SDHAF4: variants seen among roughly 807,000 people sequenced by gnomAD.
The protein encoded by SDHAF4 is succinate dehydrogenase complex assembly factor 4, also known as succinate dehydrogenase assembly factor 4, mitochondrial.
SDHAF4 carries 14 observed loss-of-function variants against 14.3 expected under a neutral mutation model. The ratio of observed to expected loss-of-function variants is 0.98; its 90% CI spans 0.65 to 1.53. The LOEUF is 1.53. SDHAF4 is among the 40% of genes most tolerant of loss of function. The probability of loss-of-function intolerance (pLI) is 0.00; values close to 1 mark genes in which losing one functional copy is unlikely to be tolerated. For missense variants in SDHAF4, 141 were observed against 129.3 expected (o/e 1.09, Z -0.44); for synonymous variants, 63 against 47.3 (o/e 1.33, Z -1.36).
At chr6:70,567,256 G>T (rs1291165928) in intron 1 of SDHAF4, among the ~76,000 whole-genome samples, 2 of 152,162 alleles carry the variant, frequency 1.3e-5, no homozygotes, top group Non-Finnish European at 1.5e-5. Flanking sequence ...GCTTCCTACC[G>T]AGCACGCGGT....
rs1323154200 is a variant in SDHAF4, at chr6:70,567,041, G to A, written c.64+37G>A. 3.2e-6 allele frequency: 5 copies of A among 1,546,048 alleles called. No individual in the cohort carries two copies. In the African/African-American group the frequency reaches 5.5e-5, roughly 17 times the overall value. ...GCCTCGGGGCCACGGTCGCGGGAGG[G>A]GTCGTGAAGGCCCAGGCGCAGAGAG... On this transcript the variant is annotated intron_variant, in intron 1 of 2. Coordinates refer to ENST00000370474, the MANE Select transcript of SDHAF4 (RefSeq NM_145267.3).
chr6:70,578,541 C>T (rs2842081), intron 1 of SDHAF4, among the ~76,000 whole-genome samples: 1 of 151,948 alleles, frequency 6.6e-6, no homozygotes, highest in Non-Finnish European at 1.5e-5. Flanking sequence ...CTCTGTTGAG[C>T]GTTTCTTTTG....
chr6:70,581,902 C>T (rs1472597929), intron 2 of SDHAF4, among the ~76,000 whole-genome samples: 3 of 152,100 alleles, frequency 2.0e-5, no homozygotes, highest in Non-Finnish European at 2.9e-5. Context: ...AGCCACCATT[C>T]CTGGCATGCT....
chr6:70,576,343 C>T (rs1417730650), intron 1 of SDHAF4, among the ~76,000 whole-genome samples: 1 of 152,234 alleles, frequency 6.6e-6, no homozygotes, highest in Non-Finnish European at 1.5e-5. Context: ...TTCAACTTTT[C>T]CTTGTAAACC....
the SDHAF4 span, among the ~76,000 whole-genome samples, chr6:70,595,341 G>C: frequency 3.3e-5 from 5 of 152,204 alleles, no homozygotes; most frequent in Non-Finnish European, 7.3e-5. Flanking sequence ...TACTTGAGAA[G>C]ATTGTACGGA....
chr6:70,583,066 G>C (rs1376759356), intron 2 of SDHAF4, among the ~76,000 whole-genome samples: 2 of 152,174 alleles, frequency 1.3e-5, no homozygotes, highest in African/African-American at 4.8e-5. Context: ...AAAGATCAGA[G>C]GAAAGTCGAC....
intron 1 of SDHAF4, among the ~76,000 whole-genome samples, chr6:70,568,561 T>A (rs1277492927): frequency 6.6e-6 from 1 of 152,230 alleles, no homozygotes; most frequent in Non-Finnish European, 1.5e-5. Flanking sequence ...CATTCAACTG[T>A]GTGAACATAT....
Position 70,588,753 on chromosome 6 carries a change from T to C in SDHAF4, c.*29T>C. ...GCATATTCTTTAACTTCAATATTGT[T>C]TTCTGAATATGTACATCTGAATTAA... On this transcript the variant is annotated 3_prime_UTR_variant, in exon 3 of 3. Coordinates refer to ENST00000370474, the MANE Select transcript of SDHAF4 (RefSeq NM_145267.3). 7.9e-7 allele frequency: 1 copy of C among 1,259,294 alleles called. No individual in the cohort carries two copies. Among genetic ancestry groups the C allele is most frequent in the Non-Finnish European group, 1.1e-6 (1 of 870,928 alleles). 78.0% of individuals were successfully genotyped at this position (1,259,294 alleles called of 1,614,324 possible).
At position 70,567,021 on chromosome 6, in the gene SDHAF4, G is replaced by A. The variant is rs201228520; in HGVS notation, c.64+17G>A. On this transcript the variant is annotated intron_variant, in intron 1 of 2. Transcript: ENST00000370474. ...GAGCGGCAAGTAAGCACCTGGCCTC[G>A]GGGCCACGGTCGCGGGAGGGGTCGT... 2,678 of 1,574,358 alleles carry A rather than the reference G, an allele frequency of 1.7e-3. 7 individuals carry two copies. Among genetic ancestry groups the A allele is most frequent in the Middle Eastern group, 2.1e-3 (12 of 5,674 alleles).
chr6:70,568,962 C>CTTTTTTTTTTTT (rs5877254), intron 1 of SDHAF4, among the ~76,000 whole-genome samples: 202 of 97,972 alleles, frequency 2.1e-3, no homozygotes, highest in East Asian at 3.0e-3. Context: ...TTTCTTTTTT[C>CTTTTTTTTTTTT]TTTTTTTTTT....
At chr6:70,574,325 AAAAG>A (rs1171611192) in intron 1 of SDHAF4, among the ~76,000 whole-genome samples, 3 of 134,928 alleles carry the variant, frequency 2.2e-5, no homozygotes, top group African/African-American at 7.1e-5. Context: ...ATCTCAAAAA[AAAAG>A]AAAAAAAAAA....
intron 1 of SDHAF4, among the ~76,000 whole-genome samples, chr6:70,570,582 G>A (rs1382300364): frequency 6.6e-6 from 1 of 151,644 alleles, no homozygotes; most frequent in African/African-American, 2.4e-5. Context: ...TTACAGGCGA[G>A]AGCCACCGTG....
intron 1 of SDHAF4, among the ~76,000 whole-genome samples, chr6:70,579,034 A>T (rs1041297708): frequency 6.6e-6 from 1 of 152,202 alleles, no homozygotes; most frequent in Non-Finnish European, 1.5e-5. Flanking sequence ...TAGGATTTAA[A>T]TGTAGCCACT....
intron 2 of SDHAF4, among the ~76,000 whole-genome samples, chr6:70,581,128 C>T (rs1393118271): frequency 6.6e-6 from 1 of 151,972 alleles, no homozygotes; most frequent in East Asian, 1.9e-4. Flanking sequence ...GGGGGTTTCA[C>T]CATGTTGGCC....
chr6:70,569,562 C>T (rs1802154257), intron 1 of SDHAF4, among the ~76,000 whole-genome samples: 1 of 152,160 alleles, frequency 6.6e-6, no homozygotes, highest in African/African-American at 2.4e-5. Context: ...TAACAGATTG[C>T]TTCTTATTTA....
At chr6:70,580,025 CTT>C (rs369200643) in intron 2 of SDHAF4, among the ~76,000 whole-genome samples, 160 of 151,784 alleles carry the variant, frequency 1.1e-3, no homozygotes, top group Middle Eastern at 6.8e-3. Flanking sequence ...TGAGTCTTAA[CTT>C]ATATATTTTG....
At position 70,579,420 on chromosome 6, in the gene SDHAF4, C is replaced by G. The variant is rs1049894046; in HGVS notation, c.71C>G (p.Pro24Arg). The part of the protein sequence containing the change: ...SATAWRAARS[P>R]LLCHSLRKTS... ...ATTATCTCCACTCTTCTAGGATCAC[C>G]CCTTCTGTGTCATTCTCTGAGGAAA... is the stretch of plus-strand genomic sequence containing the variant. The change falls in exon 2 of 3, where the codon CCC becomes CGC. Residue 24 changes from proline to arginine, a missense_variant. Transcript: ENST00000370474. The G allele has an allele frequency of 3.1e-6, 5 of 1,589,228 alleles. No individual in the cohort carries two copies. In the Admixed American group the frequency reaches 5.3e-5, roughly 17 times the overall value.
chr6:70,572,693 A>G (rs975700569), intron 1 of SDHAF4, among the ~76,000 whole-genome samples: 5 of 152,054 alleles, frequency 3.3e-5, no homozygotes, highest in African/African-American at 1.2e-4. Context: ...CATAAACAGC[A>G]TATGGCTTGT....
chr6:70,579,485 C>T lies in SDHAF4; in HGVS notation c.136C>T (p.Gln46Ter), dbSNP rs61735710. Residue 46 changes from glutamine (Q) to a stop codon, truncating the protein, a stop_gained, in exon 2 of 3, where the codon CAG (glutamine) becomes TAG (stop). Coordinates refer to ENST00000370474, the MANE Select transcript of SDHAF4 (RefSeq NM_145267.3). LOFTEE classifies it high-confidence loss of function. ...SQGGKSELVK[Q>*]SLKKPKLPEG... Reference sequence around the variant, plus strand: ...AGGAGGAAAGTCTGAACTTGTCAAACAGTCCCTTAAGAAGCCGAAGTTACC... The same window carrying T: ...AGGAGGAAAGTCTGAACTTGTCAAATAGTCCCTTAAGAAGCCGAAGTTACC... 2,929 of 1,611,438 alleles carry T rather than the reference C, an allele frequency of 1.8e-3. 20 individuals carry two copies. Among genetic ancestry groups the T allele is most frequent in the African/African-American group, 0.014 (1,083 of 74,876 alleles).
Sources: gnomAD v4.1 joint callset for allele counts (sites outside exome capture counted in the v4.1 genomes callset) on GRCh38, gnomAD v4.1.1 for gene constraint, MANE v1.5 for transcripts, NCBI Gene and HGNC (gene_info 2026-07-23, HGNC 2026-07-21) for gene names.